MAP4K5: variants seen among roughly 807,000 people sequenced by gnomAD.
MAP4K5 encodes mitogen-activated protein kinase kinase kinase kinase 5, also known as MAPK/ERK kinase kinase kinase 5.
Under a neutral mutation model 135.6 loss-of-function variants are expected in MAP4K5, and 82 were observed. The ratio of observed to expected loss-of-function variants is 0.60; its 90% CI spans 0.51 to 0.73. The LOEUF (loss-of-function observed/expected upper bound fraction) is 0.73. Among genes scored for constraint, MAP4K5 ranks in the 30% least tolerant of loss-of-function variants. The pLI, the probability that MAP4K5 is intolerant of heterozygous loss-of-function variation, is 0.00. For missense variants in MAP4K5, 907 were observed against 1,010.9 expected (o/e 0.90, Z 1.39); for synonymous variants, 347 against 335.0 (o/e 1.04, Z -0.39).
At chr14:50,537,231 G>C (rs1362513253), upstream of MAP4K5, among the ~76,000 whole-genome samples, 3 of 152,256 alleles carry the variant, frequency 2.0e-5, no homozygotes, top group Non-Finnish European at 4.4e-5. Context: ...CGTGGCTTCA[G>C]AGGGTGCAAG....
intron 23 of MAP4K5, among the ~76,000 whole-genome samples, chr14:50,438,558 T>C (rs2036151375): frequency 6.6e-6 from 1 of 152,106 alleles, no homozygotes; most frequent in Admixed American, 6.6e-5. Flanking sequence ...CAATTCCATA[T>C]AATAAAAAAT....
At chr14:50,520,543 C>A (rs549635419) in intron 2 of MAP4K5, among the ~76,000 whole-genome samples, 2 of 152,148 alleles carry the variant, frequency 1.3e-5, no homozygotes, top group African/African-American at 4.8e-5. Context: ...CTCAGGCAGT[C>A]CTAATTATCC....
intron 1 of MAP4K5, chr14:50,542,657 T>G (rs546554979): frequency 1.4e-4 from 21 of 152,284 alleles, no homozygotes; most frequent in African/African-American, 5.1e-4. Flanking sequence ...CACCTGTTTT[T>G]TTTTCAACCC....
intron 5 of MAP4K5, 57 bp downstream of exon 5, chr14:50,485,521 G>T: frequency 8.9e-7 from 1 of 1,122,878 alleles, no homozygotes; most frequent in Non-Finnish European, 1.3e-6. Flanking sequence ...TGGAAATATC[G>T]AACAACAATC....
At chr14:50,474,915 T>G (rs1369381428) in intron 9 of MAP4K5, among the ~76,000 whole-genome samples, 162 bp downstream of exon 9, 1 of 152,194 alleles carries the variant, frequency 6.6e-6, no homozygotes. Flanking sequence ...ACCATGAATA[T>G]GAGCATCAAA....
At chr14:50,520,949 A>G (rs1056428407) in intron 2 of MAP4K5, among the ~76,000 whole-genome samples, 1 of 151,596 alleles carries the variant, frequency 6.6e-6, no homozygotes, top group Non-Finnish European at 1.5e-5. Context: ...CAGCCTCCCA[A>G]GTAGTTGGGA....
chr14:50,537,956 A>C (rs1333803107), intron 2 of MAP4K5, among the ~76,000 whole-genome samples: 1 of 152,130 alleles, frequency 6.6e-6, no homozygotes, highest in African/African-American at 2.4e-5. Flanking sequence ...ATGAGTTAAC[A>C]CTTTGGGGGA....
chr14:50,490,269 T>G (rs1303758640), intron 3 of MAP4K5, among the ~76,000 whole-genome samples: 1 of 151,934 alleles, frequency 6.6e-6, no homozygotes, highest in Non-Finnish European at 1.5e-5. Flanking sequence ...TCTGAGACAG[T>G]AGACACTGGA....
At chr14:50,552,855 T>C (rs1221582959) in intron 1 of MAP4K5, among the ~76,000 whole-genome samples, 1 of 151,946 alleles carries the variant, frequency 6.6e-6, no homozygotes, top group Non-Finnish European at 1.5e-5. Flanking sequence ...TATAGAAAAA[T>C]CAACTCAAGA....
intron 2 of MAP4K5, among the ~76,000 whole-genome samples, chr14:50,528,896 A>C (rs2038325074): frequency 6.6e-6 from 1 of 152,220 alleles, no homozygotes; most frequent in Admixed American, 6.5e-5. Flanking sequence ...CCCAGAGCTT[A>C]AAAAATTCAG....
chr14:50,492,085 CT>C (rs992334208), intron 3 of MAP4K5, among the ~76,000 whole-genome samples: 39 of 152,218 alleles, frequency 2.6e-4, no homozygotes, highest in African/African-American at 8.4e-4. Flanking sequence ...CTGGTTTATG[CT>C]TTTTATGTCT....
chr14:50,440,114 A>G, intron 22 of MAP4K5, 41 bp from the exon 23 acceptor site: 3 of 1,192,452 alleles, frequency 2.5e-6, no homozygotes, highest in Non-Finnish European at 3.6e-6. Context: ...CATTGTCATT[A>G]TTTTAATCTT....
At chr14:50,502,902 A>G (rs2037736886) in intron 3 of MAP4K5, among the ~76,000 whole-genome samples, 2 of 152,080 alleles carry the variant, frequency 1.3e-5, no homozygotes, top group Admixed American at 1.3e-4. Flanking sequence ...TTCATCCCTT[A>G]GAACAAACTT....
chr14:50,446,195 G>T, intron 16 of MAP4K5, 74 bp from the exon 17 acceptor site: 1 of 878,224 alleles, frequency 1.1e-6, no homozygotes, highest in Non-Finnish European at 1.8e-6. Context: ...TATTAAATAT[G>T]TATTAAAATC....
chr14:50,490,298 G>A (rs61984293), intron 3 of MAP4K5, among the ~76,000 whole-genome samples: 1 of 152,238 alleles, frequency 6.6e-6, no homozygotes, highest in African/African-American at 2.4e-5. Context: ...TAATTAAAAT[G>A]ATAAATTATT....
At chr14:50,523,782 G>GT (rs1566694734) in intron 2 of MAP4K5, among the ~76,000 whole-genome samples, 2 of 152,170 alleles carry the variant, frequency 1.3e-5, no homozygotes, top group East Asian at 3.8e-4. Flanking sequence ...TTCACTAGAT[G>GT]TATCACAAGG....
In MAP4K5 at chr14:50,438,095, C is replaced by T; in HGVS notation, c.1706-1G>A. On this transcript the variant is annotated splice_acceptor_variant, in intron 23 of 32. Coordinates refer to ENST00000682126, the MANE Select transcript of MAP4K5 (RefSeq NM_006575.6). LOFTEE classifies it high-confidence loss of function. ...GAGAAAAAGAAAACGTAATTACCTT[C>T]TAAAACGAGAGTCCAGTAATGTTCA... 1.2e-6 allele frequency: 1 copy of T among 825,326 alleles called. No individual in the cohort carries two copies. The highest frequency in any genetic ancestry group is 2.1e-6 in the Non-Finnish European group (1 of 467,900). 51.1% of individuals were successfully genotyped at this position (825,326 alleles called of 1,614,324 possible).
At chr14:50,515,097 T>C (rs531991275) in intron 2 of MAP4K5, among the ~76,000 whole-genome samples, 3 of 152,204 alleles carry the variant, frequency 2.0e-5, no homozygotes, top group African/African-American at 4.8e-5. Flanking sequence ...ACAGACGAGG[T>C]TTCACCATGT....
chr14:50,540,736 T>C (rs1003864855), intron 2 of MAP4K5, among the ~76,000 whole-genome samples: 2 of 152,204 alleles, frequency 1.3e-5, no homozygotes, highest in Non-Finnish European at 2.9e-5. Context: ...AGTATAGATA[T>C]ATTGAGTAGC....
Sources: gnomAD v4.1 joint callset for allele counts (sites outside exome capture counted in the v4.1 genomes callset) on GRCh38, gnomAD v4.1.1 for gene constraint, MANE v1.5 for transcripts, NCBI Gene and HGNC (gene_info 2026-07-23, HGNC 2026-07-21) for gene names.